The following SLC9A5 variants were observed in gnomAD, a reference collection of about 807,000 sequenced individuals.
SLC9A5 encodes sodium/hydrogen exchanger 5.
A neutral mutation model predicts 91.7 loss-of-function variants in SLC9A5; 52 were observed. The ratio of observed to expected loss-of-function variants is 0.57; its 90% confidence interval spans 0.45 to 0.71. The LOEUF (loss-of-function observed/expected upper bound fraction) is 0.71, where lower values mean the gene tolerates loss of function less well. SLC9A5 is among the 30% of genes least tolerant of loss of function. The probability of loss-of-function intolerance (pLI) is 0.00; values close to 1 mark genes in which losing one functional copy is unlikely to be tolerated. For missense variants in SLC9A5, 871 were observed against 1,158.9 expected, an observed-to-expected ratio of 0.75 and a Z score of 3.61; for synonymous variants, 419 against 474.5, an observed-to-expected ratio of 0.88 and a Z score of 1.52.
chr16:67,260,050 TA>T, intron 12 of SLC9A5, 104 bp downstream of exon 12: 1 of 1,472,112 alleles, frequency 6.8e-7, no homozygotes. Flanking sequence ...GATGCCCAGC[TA>T]AAGAGTGTGG....
Position 67,249,184 on chromosome 16 carries a change from C to T in SLC9A5, c.170C>T (p.Ala57Val), listed in dbSNP as rs1251972228. The T allele has an allele frequency of 6.5e-7, 1 of 1,535,796 alleles. No homozygotes were observed. The highest frequency in any genetic ancestry group is 2.0e-5 in the Admixed American group (1 of 50,620). Reference protein sequence around the residue: ...PYLVALWILVASLAKIVFHLS... With the variant: ...PYLVALWILVVSLAKIVFHLS... Reference sequence around the variant, plus strand: ...CTGGTGGCCCTGTGGATCCTGGTGGCCAGTCTGGCCAAAATCGGTGAGTGC... The same window carrying T: ...CTGGTGGCCCTGTGGATCCTGGTGGTCAGTCTGGCCAAAATCGGTGAGTGC... Residue 57 changes from alanine to valine, a missense_variant, in exon 1 of 16, where the codon GCC becomes GTC. Ala to Val is a moderately conservative substitution (Grantham distance 64, BLOSUM62 0). Coordinates refer to ENST00000299798, the MANE Select transcript of SLC9A5 (RefSeq NM_004594.3).
chr16:67,256,028 G>C lies in SLC9A5; in HGVS notation c.911+98G>C, dbSNP rs2035305577. 1.5e-6 allele frequency: 2 copies of C among 1,316,474 alleles called. No homozygotes were observed. Among genetic ancestry groups the C allele is most frequent in the Non-Finnish European group, 2.1e-6 (2 of 957,668 alleles). The allele number at this position is 1,316,474 out of a possible 1,614,324, so 81.5% of individuals were successfully genotyped here. Reference sequence around the variant, plus strand: ...AGGCAGGAACTTCAGGAGTCCATAGGTTTCCCTGAGCCCTTGTGGTAGTGG... The same window carrying C: ...AGGCAGGAACTTCAGGAGTCCATAGCTTTCCCTGAGCCCTTGTGGTAGTGG... On this transcript the variant is annotated intron_variant, in intron 5 of 15. Coordinates refer to ENST00000299798, the MANE Select transcript of SLC9A5 (RefSeq NM_004594.3). The surrounding 1 kb of genome is among the most constrained non-coding windows in gnomAD (Gnocchi z 4.1).
Position 67,269,706 on chromosome 16 carries a change from T to C in SLC9A5, c.2219-1032T>C, listed in dbSNP as rs117664085. On this transcript the variant is annotated intron_variant, in intron 15 of 15. Transcript: ENST00000299798. The stretch of plus-strand genomic sequence containing the variant: ...ACACATGTACTCAAACAGAAGCTTA[T>C]TGGGCTGCTCAGGACTTTATCGATG... Among the ~76,000 whole-genome samples, 189 of 152,316 alleles carry C rather than the reference T, an allele frequency of 1.2e-3. 1 individual carries two copies. Among genetic ancestry groups the C allele is most frequent in the Non-Finnish European group, 2.2e-3 (147 of 68,016 alleles).
Position 67,249,092 on chromosome 16 carries a change from C to T in SLC9A5, c.78C>T (p.Ser26=). The T allele has an allele frequency of 6.5e-7, 1 of 1,537,542 alleles. No homozygotes were observed. The highest frequency in any genetic ancestry group is 8.7e-7 in the Non-Finnish European group (1 of 1,148,596). The change falls in exon 1 of 16, where the codon TCC becomes TCT. Residue 26 remains serine, a synonymous_variant. Coordinates refer to ENST00000299798, the MANE Select transcript of SLC9A5 (RefSeq NM_004594.3). ...AAEEPTQKPE[S]PGEPPPGLEL... The stretch of plus-strand genomic sequence containing the variant: ...AAGAGCCCACCCAGAAGCCAGAGTC[C>T]CCGGGCGAGCCTCCCCCAGGCTTAG...
In SLC9A5 at chr16:67,257,709, G is replaced by A; in HGVS notation, c.1496+108G>A. 8.6e-7 allele frequency: 1 copy of A among 1,157,074 alleles called. No individual in the cohort carries two copies. The highest frequency in any genetic ancestry group is 1.3e-6 in the Non-Finnish European group (1 of 784,688). 71.7% of individuals were successfully genotyped at this position (1,157,074 alleles called of 1,614,324 possible). ...AAGGGACAGAGCCAGGTTCAGGCTG[G>A]GTGACCTCTGCCTGAAGCCCTTCAG... On this transcript the variant is annotated intron_variant, in intron 9 of 15. Coordinates refer to ENST00000299798, the MANE Select transcript of SLC9A5 (RefSeq NM_004594.3). The surrounding 1 kb of genome is among the most constrained non-coding windows in gnomAD (Gnocchi z 5.1).
intron 12 of SLC9A5, 130 bp downstream of exon 12, chr16:67,260,076 C>A: frequency 1.6e-6 from 2 of 1,284,976 alleles, no homozygotes; most frequent in Non-Finnish European, 2.1e-6. Context: ...CAGCCGGGTG[C>A]GATGGCTCAT....
chr16:67,252,931 C>A lies in SLC9A5; in HGVS notation c.490+87C>A. On this transcript the variant is annotated intron_variant, in intron 2 of 15. Coordinates refer to ENST00000299798, the MANE Select transcript of SLC9A5 (RefSeq NM_004594.3). The surrounding 1 kb of genome is among the most constrained non-coding windows in gnomAD (Gnocchi z 4.0). Reference sequence around the variant, plus strand: ...TCTGGAGGCCCATGCTGGTGTGAGCCATGCCCTGAAAGCTCCATCCTAGGT... The same window carrying A: ...TCTGGAGGCCCATGCTGGTGTGAGCAATGCCCTGAAAGCTCCATCCTAGGT... 7.9e-7 allele frequency: 1 copy of A among 1,269,458 alleles called. No homozygotes were observed. The highest frequency in any genetic ancestry group is 1.1e-6 in the Non-Finnish European group (1 of 928,724). The allele number at this position is 1,269,458 out of a possible 1,614,324, so 78.6% of individuals were successfully genotyped here. A position where few individuals can be genotyped will look rare whatever the true frequency, so the allele number is the denominator to read the frequency against.
rs1212004305 is a variant in SLC9A5 at position 67,255,912 on chromosome 16, C to T, written c.893C>T (p.Ser298Leu). Residue 298 changes from serine to leucine, a missense_variant, in exon 5 of 16, where the codon TCG becomes TTG. By Grantham distance (145) the Ser-to-Leu change is moderately radical. Around this residue, in one of 3 missense-constraint regions of SLC9A5, gnomAD observed 454 missense variants for 718.3 expected, o/e 0.63. Coordinates refer to ENST00000299798, the MANE Select transcript of SLC9A5 (RefSeq NM_004594.3). The surrounding 1 kb of genome is among the most constrained non-coding windows in gnomAD (Gnocchi z 4.9). ...GCCTACCTCACTGCTGAAATGGCCTCGCTCTCCGCCATTCTTGCGTGAGTT... is the reference window on the plus strand; with the variant it reads ...GCCTACCTCACTGCTGAAATGGCCTTGCTCTCCGCCATTCTTGCGTGAGTT... ...YAAYLTAEMASLSAILAVTMC... is the reference protein window; with the variant it reads ...YAAYLTAEMALLSAILAVTMC... The T allele has an allele frequency of 6.2e-7, 1 of 1,613,512 alleles. No homozygotes were observed. The highest frequency in any genetic ancestry group is 2.2e-5 in the East Asian group (1 of 44,878).
Position 67,249,117 on chromosome 16 carries a change from G to T in SLC9A5, c.103G>T (p.Glu35Ter). 6.4e-7 allele frequency: 1 copy of T among 1,555,942 alleles called. No homozygotes were observed. Among genetic ancestry groups the T allele is most frequent in the Non-Finnish European group, 8.6e-7 (1 of 1,157,390 alleles). The change falls in exon 1 of 16, where the codon GAG becomes TAG. Residue 35 changes from glutamate (E) to a stop codon, truncating the protein, a stop_gained. Coordinates refer to ENST00000299798, the MANE Select transcript of SLC9A5 (RefSeq NM_004594.3). LOFTEE classifies it high-confidence loss of function. Reference protein sequence around the residue: ...ESPGEPPPGLELFRWQWHEVE... With the variant: ...ESPGEPPPGL ...CCCGGGCGAGCCTCCCCCAGGCTTA[G>T]AGCTCTTCCGCTGGCAGTGGCACGA...
intron 2 of SLC9A5, among the ~76,000 whole-genome samples, chr16:67,253,719 C>T (rs539620270): frequency 3.9e-5 from 6 of 152,240 alleles, no homozygotes; most frequent in South Asian, 4.2e-4. Flanking sequence ...GATGGGGTTT[C>T]GCCATGTTGG....
At chr16:67,251,244 C>G (rs2035105980) in intron 1 of SLC9A5, among the ~76,000 whole-genome samples, 1 of 152,034 alleles carries the variant, frequency 6.6e-6, no homozygotes, top group Non-Finnish European at 1.5e-5. Flanking sequence ...CCTGAGTGAG[C>G]CCATATAATG....
At chr16:67,268,701 TATATATA>T (rs1567421713) in intron 15 of SLC9A5, among the ~76,000 whole-genome samples, 17 of 94,648 alleles carry the variant, frequency 1.8e-4, no homozygotes, top group African/African-American at 6.3e-4. Flanking sequence ...TATATATATA[TATATATA>T]TATTTTTACA....
Position 67,257,847 on chromosome 16 carries a change from A to G in SLC9A5, c.1496+246A>G, listed in dbSNP as rs563223710. On this transcript the variant is annotated intron_variant, in intron 9 of 15. Coordinates refer to ENST00000299798, the MANE Select transcript of SLC9A5 (RefSeq NM_004594.3). The surrounding 1 kb of genome is among the most constrained non-coding windows in gnomAD (Gnocchi z 5.1). ...CTCATCATGCTCTGCTCTGTCTTTG[A>G]CTGTCTGCCTGCTAATTCCATGGAC... 6.6e-6 allele frequency among the ~76,000 whole-genome samples: 1 copy of G among 152,228 alleles called. No homozygotes were observed. The highest frequency in any genetic ancestry group is 1.9e-4 in the East Asian group (1 of 5,184).
chr16:67,255,100 A>C lies in SLC9A5; in HGVS notation c.570A>C (p.Leu190=). 1.2e-6 allele frequency: 2 copies of C among 1,614,012 alleles called. No homozygotes were observed. Among genetic ancestry groups the C allele is most frequent in the Non-Finnish European group, 1.7e-6 (2 of 1,179,962 alleles). ...CGGCGGTGGACCCCGTGGCCGTGCT[A>C]GCTGTCTTTGAGGAGGTGCACGTCA... The part of the protein sequence containing the change: ...LISAVDPVAV[L]AVFEEVHVNE... The change falls in exon 3 of 16, where the codon CTA becomes CTC. Residue 190 remains leucine, a synonymous_variant. Transcript: ENST00000299798. The surrounding 1 kb of genome is among the most constrained non-coding windows in gnomAD (Gnocchi z 4.9).
chr16:67,259,567 C>A lies in SLC9A5; in HGVS notation c.1627-6C>A. ...TGCTGGCTGACCTTGGTCTTGACACCTGCAGGGAGGCCACGTCTTGTCTTC... is the reference window on the plus strand; with the variant it reads ...TGCTGGCTGACCTTGGTCTTGACACATGCAGGGAGGCCACGTCTTGTCTTC... On this transcript the variant is annotated splice_polypyrimidine_tract_variant and splice_region_variant and intron_variant, in intron 10 of 15. Transcript: ENST00000299798. 6.2e-7 allele frequency: 1 copy of A among 1,613,496 alleles called. No homozygotes were observed. Among genetic ancestry groups the A allele is most frequent in the South Asian group, 1.1e-5 (1 of 91,070 alleles).
intron 15 of SLC9A5, among the ~76,000 whole-genome samples, chr16:67,269,485 G>T (rs780197470): frequency 1.4e-4 from 22 of 152,026 alleles, no homozygotes; most frequent in Non-Finnish European, 2.5e-4. Context: ...GTTACTTTGA[G>T]GTACAGTTCA....
chr16:67,254,963 C>T, intron 2 of SLC9A5, 58 bp from the exon 3 acceptor site: 1 of 1,550,224 alleles, frequency 6.5e-7, no homozygotes, highest in Non-Finnish European at 8.8e-7. Context: ...CCAGGGCGTG[C>T]TCCAGGAGAC....
chr16:67,263,782 CT>C (rs1238535935), intron 12 of SLC9A5: 1 of 153,126 alleles, frequency 6.5e-6, no homozygotes. Context: ...AAAACTCCGT[CT>C]CAAAAAAAAG....
rs13330802 is a variant in SLC9A5, at chr16:67,256,853, C to T, written c.1133-58C>T. The T allele has an allele frequency of 3.4e-3, 5,286 of 1,554,858 alleles. 158 individuals carry two copies. In the African/African-American group the frequency reaches 0.061, roughly 18 times the overall value. On this transcript the variant is annotated intron_variant, in intron 6 of 15. Transcript: ENST00000299798. This position sits in a 1 kb window ranked among gnomAD's most constrained non-coding sequence, Gnocchi z 4.1. ...CTCAGCCCAGATACTTGGTCCCATC[C>T]GGTCCCACGTCCTCCACTCCCAACG...
Sources: allele counts gnomAD v4.1 joint callset (sites outside exome capture counted in the v4.1 genomes callset), GRCh38; gene constraint gnomAD v4.1.1; regional missense constraint gnomAD v4.1.1; non-coding constraint Gnocchi (gnomAD v3.1); transcripts MANE v1.5; gene names NCBI Gene and HGNC (gene_info 2026-07-23, HGNC 2026-07-21).